The following NF1 variants were observed in gnomAD, a reference collection of about 807,000 sequenced individuals.
The protein encoded by NF1 is neurofibromin 1.
A neutral mutation model predicts 325.7 loss-of-function variants in NF1; 122 were observed. The observed-to-expected ratio is 0.37, with a 90% CI of 0.32 to 0.44. The LOEUF is 0.44. Among genes scored for constraint, NF1 ranks in the 20% least tolerant of loss-of-function variants. The pLI is 1.00. For synonymous variants in NF1, 1,091 were observed against 1,186.0 expected, an observed-to-expected ratio of 0.92 and a Z score of 1.65; for missense variants, 2,140 against 3,415.4, an observed-to-expected ratio of 0.63 and a Z score of 9.31.
At chr17:31,349,440 T>C (rs1175275347) in intron 49 of NF1, among the ~76,000 whole-genome samples, 189 bp downstream of exon 49, 2 of 152,152 alleles carry the variant, frequency 1.3e-5, no homozygotes, top group Non-Finnish European at 2.9e-5. Context: ...AAAATTTAAT[T>C]CCCATTAAAA....
intron 36 of NF1, among the ~76,000 whole-genome samples, chr17:31,298,988 A>T (rs971376617): frequency 6.6e-6 from 1 of 152,108 alleles, no homozygotes; most frequent in African/African-American, 2.4e-5. Context: ...TAATGGATTC[A>T]AATGAATTTG....
intron 2 of NF1, among the ~76,000 whole-genome samples, chr17:31,158,363 A>T (rs929320405): frequency 6.6e-6 from 1 of 152,228 alleles, no homozygotes; most frequent in African/African-American, 2.4e-5. Flanking sequence ...ATTTACGGAA[A>T]GACATTTAAC....
chr17:31,111,698 C>T (rs1913429998), intron 1 of NF1, among the ~76,000 whole-genome samples: 1 of 152,078 alleles, frequency 6.6e-6, no homozygotes, highest in Admixed American at 6.6e-5. Context: ...CATTTTTAGA[C>T]AATCAAAAGC....
chr17:31,118,740 G>A (rs533993896), intron 1 of NF1, among the ~76,000 whole-genome samples: 18 of 152,154 alleles, frequency 1.2e-4, no homozygotes, highest in East Asian at 9.6e-4. Flanking sequence ...GAACAGTGCC[G>A]CAATAAACAT....
intron 1 of NF1, among the ~76,000 whole-genome samples, chr17:31,112,628 G>A (rs1419895098): frequency 6.6e-6 from 1 of 151,978 alleles, no homozygotes; most frequent in African/African-American, 2.4e-5. Flanking sequence ...TTAAAAAATT[G>A]GGTTTTACTG....
Position 31,219,127 on chromosome 17 carries a change from A to G in NF1, c.1641+9A>G, listed in dbSNP as rs1339391272. Reference sequence around the variant, plus strand: ...CTCAGGAAGCAATGGAGGTAAGGGGAAAATGAATTCCATGTTCTTGAAGGA... The same window carrying G: ...CTCAGGAAGCAATGGAGGTAAGGGGGAAATGAATTCCATGTTCTTGAAGGA... On this transcript the variant is annotated intron_variant, in intron 14 of 57. Coordinates refer to ENST00000358273, the MANE Select transcript of NF1 (RefSeq NM_001042492.3). The G allele has an allele frequency of 6.2e-7, 1 of 1,610,858 alleles. No individual in the cohort carries two copies. Among genetic ancestry groups the G allele is most frequent in the Admixed American group, 1.7e-5 (1 of 59,698 alleles).
At chr17:31,349,873 T>C (rs2070096028) in intron 49 of NF1, among the ~76,000 whole-genome samples, 1 of 152,240 alleles carries the variant, frequency 6.6e-6, no homozygotes, top group South Asian at 2.1e-4. Flanking sequence ...TTGTATTTGT[T>C]CAACTTTTTT....
Position 31,352,533 on chromosome 17 carries a change from G to A in NF1, c.7615+119G>A. On this transcript the variant is annotated intron_variant, in intron 51 of 57. Transcript: ENST00000358273. ...AAATTTTCCATGTCAGTGTAGCAAA[G>A]TTTTTGATGCCATTTAAAAGAGAGT... 4 of 889,008 alleles carry A rather than the reference G, an allele frequency of 4.5e-6. No individual in the cohort carries two copies. The South Asian group carries it at 6.1e-5, about 14-fold the overall frequency. 55.1% of individuals were successfully genotyped at this position (889,008 alleles called of 1,614,324 possible). A position where few individuals can be genotyped will look rare whatever the true frequency, so the allele number is the denominator to read the frequency against.
chr17:31,369,036 A>G (rs917065771), intron 57 of NF1, among the ~76,000 whole-genome samples: 1 of 152,180 alleles, frequency 6.6e-6, no homozygotes, highest in Non-Finnish European at 1.5e-5. Context: ...CTTCTCACAA[A>G]TTACCTAACC....
intron 36 of NF1, among the ~76,000 whole-genome samples, chr17:31,316,725 A>G (rs551444630): frequency 6.6e-5 from 10 of 152,240 alleles, no homozygotes; most frequent in Admixed American, 2.6e-4. Context: ...ACTGGCATGA[A>G]TATTCTCATG....
intron 1 of NF1, among the ~76,000 whole-genome samples, chr17:31,117,984 A>G (rs936798751): frequency 2.6e-5 from 4 of 152,210 alleles, no homozygotes; most frequent in African/African-American, 9.6e-5. Flanking sequence ...AGCCTGACTT[A>G]AGGGATAAGG....
intron 36 of NF1, among the ~76,000 whole-genome samples, chr17:31,294,401 T>C (rs2068416718): frequency 6.6e-6 from 1 of 152,246 alleles, no homozygotes; most frequent in African/African-American, 2.4e-5. Context: ...ATCTGTCAAG[T>C]AGCCAAGAGT....
chr17:31,182,746 A>C, intron 8 of NF1, 81 bp downstream of exon 8: 1 of 1,324,816 alleles, frequency 7.5e-7, no homozygotes. Flanking sequence ...CTTTAGGCTT[A>C]TTATTTAAGC....
chr17:31,360,850 G>A, intron 57 of NF1, 147 bp downstream of exon 57: 2 of 729,464 alleles, frequency 2.7e-6, no homozygotes, highest in Non-Finnish European at 4.8e-6. Context: ...TAACTGACTT[G>A]ACTTTTGTTA....
intron 1 of NF1, among the ~76,000 whole-genome samples, chr17:31,143,468 A>G (rs1356802187): frequency 6.6e-6 from 1 of 151,770 alleles, no homozygotes; most frequent in Non-Finnish European, 1.5e-5. Flanking sequence ...ACAGGGTCTC[A>G]CTTTGTTGCC....
At position 31,357,309 on chromosome 17, in the gene NF1, G is replaced by A. The variant is rs560262404; in HGVS notation, c.7910G>A (p.Arg2637Gln). 119 of 1,613,962 alleles carry A rather than the reference G, an allele frequency of 7.4e-5. No homozygotes were observed. Among genetic ancestry groups the A allele is most frequent in the Non-Finnish European group, 9.8e-5 (116 of 1,179,914 alleles). ...TATACCACAGATGAGTTTGATCAACGAATTCTTTATGAATACTTAGCAGAG... is the reference window on the plus strand; with the variant it reads ...TATACCACAGATGAGTTTGATCAACAAATTCTTTATGAATACTTAGCAGAG... ...VKYTTDEFDQ[R>Q]ILYEYLAEAS... Residue 2637 changes from arginine to glutamine, a missense_variant, in exon 54 of 58, where the codon CGA becomes CAA. By Grantham distance (43) the Arg-to-Gln change is conservative. Transcript: ENST00000358273.
At chr17:31,318,190 A>G (rs530951075) in intron 36 of NF1, 2 of 1,338,940 alleles carry the variant, frequency 1.5e-6, no homozygotes, top group East Asian at 2.4e-5. Context: ...TCTAAATTGC[A>G]AGGTCTACCA....
rs540866525 is a variant in NF1 at position 31,308,810 on chromosome 17, A to G, written c.4836-17010A>G. Among the ~76,000 whole-genome samples the G allele has an allele frequency of 1.2e-4, 19 of 152,080 alleles. No homozygotes were observed. The South Asian group carries it at 3.5e-3, about 28-fold the overall frequency. On this transcript the variant is annotated intron_variant, in intron 36 of 57. Transcript: ENST00000358273. ...ACTGAATTCCCCCTAGCTCTCATTT[A>G]TTGTTTTTATGGTTCCTTACATAAT... is the stretch of plus-strand genomic sequence containing the variant.
chr17:31,231,404 A>T (rs1462588614), intron 24 of NF1, among the ~76,000 whole-genome samples: 1 of 152,168 alleles, frequency 6.6e-6, no homozygotes, highest in Non-Finnish European at 1.5e-5. Flanking sequence ...TATAATAAGC[A>T]TTCACATATG....
Sources: allele counts gnomAD v4.1 joint callset (sites outside exome capture counted in the v4.1 genomes callset), GRCh38; gene constraint gnomAD v4.1.1; transcripts MANE v1.5; gene names NCBI Gene and HGNC (gene_info 2026-07-23, HGNC 2026-07-21).